Variants in MAP4K5 observed in about 807,000 individuals in gnomAD.
The protein encoded by MAP4K5 is mitogen-activated protein kinase kinase kinase kinase 5, also known as MAPK/ERK kinase kinase kinase 5.
A neutral mutation model predicts 135.6 loss-of-function variants in MAP4K5; 82 were observed. The observed-to-expected ratio is 0.60, with a 90% confidence interval of 0.51 to 0.73. The LOEUF (loss-of-function observed/expected upper bound fraction) is 0.73. Among genes scored for constraint, MAP4K5 ranks in the 30% least tolerant of loss-of-function variants. The pLI is 0.00. For synonymous variants in MAP4K5, 347 were observed against 335.0 expected (o/e 1.04, Z -0.39); for missense variants, 907 against 1,010.9 (o/e 0.90, Z 1.39).
At chr14:50,420,906 AT>A (rs1248932902) in intron 32 of MAP4K5, among the ~76,000 whole-genome samples, 1 of 152,030 alleles carries the variant, frequency 6.6e-6, no homozygotes, top group Non-Finnish European at 1.5e-5. Context: ...AAGAAGTACT[AT>A]TCCAAACATT....
intron 3 of MAP4K5, among the ~76,000 whole-genome samples, chr14:50,499,525 G>A (rs1479740377): frequency 6.6e-6 from 1 of 152,004 alleles, no homozygotes; most frequent in Non-Finnish European, 1.5e-5. Context: ...GGGTGTGGTG[G>A]CACATGCCTG....
chr14:50,555,323 C>T (rs1030252977), intron 1 of MAP4K5, among the ~76,000 whole-genome samples: 1 of 152,160 alleles, frequency 6.6e-6, no homozygotes, highest in African/African-American at 2.4e-5. Flanking sequence ...GCTCTGTCAC[C>T]CAGGCTGGAG....
chr14:50,514,848 AT>A (rs11307399), intron 2 of MAP4K5, among the ~76,000 whole-genome samples: 127,991 of 151,860 alleles, frequency 0.84, 55,420 homozygotes, highest in Non-Finnish European at 0.93. Context: ...TCAGGACAGA[AT>A]GTATCACCGC....
intron 1 of MAP4K5, among the ~76,000 whole-genome samples, chr14:50,547,055 T>G (rs963459746): frequency 2.6e-5 from 4 of 151,848 alleles, no homozygotes; most frequent in African/African-American, 9.7e-5. Context: ...AGAGAACACA[T>G]GGACACAGGG....
At chr14:50,437,593 G>T in intron 25 of MAP4K5, 59 bp from the exon 26 acceptor site, 1 of 1,157,274 alleles carries the variant, frequency 8.6e-7, no homozygotes, top group Non-Finnish European at 1.2e-6. Flanking sequence ...ACAATGATTT[G>T]TAAATCAGTT....
intron 1 of MAP4K5, chr14:50,559,073 C>G (rs1035505987): frequency 3.9e-5 from 6 of 152,214 alleles, no homozygotes; most frequent in Non-Finnish European, 7.3e-5. Flanking sequence ...ATAATGTCCT[C>G]TCTTCTAGAG....
Position 50,426,061 on chromosome 14 carries a change from T to C in MAP4K5, c.2327-84A>G, listed in dbSNP as rs993999397. 9.3e-6 allele frequency: 8 copies of C among 859,472 alleles called. No homozygotes were observed. In the African/African-American group the frequency reaches 1.2e-4, roughly 13 times the overall value. The allele number at this position is 859,472 out of a possible 1,614,324, so 53.2% of individuals were successfully genotyped here. ...TTTTCTCTACTTTTAATAAATAATA[T>C]AAGCCTATTCAAGTGTCTAGTGCAA... On this transcript the variant is annotated intron_variant, in intron 30 of 32. Coordinates refer to ENST00000682126, the MANE Select transcript of MAP4K5 (RefSeq NM_006575.6).
At chr14:50,477,055 A>G (rs2037117560) in intron 6 of MAP4K5, among the ~76,000 whole-genome samples, 1 of 152,188 alleles carries the variant, frequency 6.6e-6, no homozygotes, top group Middle Eastern at 3.2e-3. Context: ...GTTGCACTGA[A>G]TCTACAGAAC....
intron 11 of MAP4K5, 146 bp downstream of exon 11, chr14:50,466,437 A>G: frequency 2.5e-6 from 1 of 397,542 alleles, no homozygotes; most frequent in Non-Finnish European, 4.7e-6. Flanking sequence ...TCCTTGCCAT[A>G]GGTCTGCAAG....
chr14:50,557,722 G>A (rs2038781293), intron 1 of MAP4K5, among the ~76,000 whole-genome samples: 1 of 152,168 alleles, frequency 6.6e-6, no homozygotes, highest in Non-Finnish European at 1.5e-5. Context: ...TTAAAAAGAT[G>A]CATTCTAGCA....
chr14:50,517,020 A>G (rs547648544), intron 2 of MAP4K5, among the ~76,000 whole-genome samples: 20 of 152,280 alleles, frequency 1.3e-4, no homozygotes, highest in Admixed American at 3.9e-4. Context: ...CCTTCCCACC[A>G]GTCTAGTTAT....
intron 2 of MAP4K5, among the ~76,000 whole-genome samples, chr14:50,506,555 G>A (rs993276581): frequency 1.7e-4 from 26 of 152,008 alleles, no homozygotes; most frequent in African/African-American, 6.3e-4. Context: ...GACGGGTTTC[G>A]CCATGTTGCC....
intron 32 of MAP4K5, among the ~76,000 whole-genome samples, chr14:50,422,455 C>A (rs1206994094): frequency 6.6e-6 from 1 of 151,908 alleles, no homozygotes; most frequent in East Asian, 1.9e-4. Context: ...TGTCTCAGGA[C>A]TAATGCATAC....
Position 50,425,763 on chromosome 14 carries a change from T to TA in MAP4K5, c.2397+143dup, listed in dbSNP as rs2035831715. On this transcript the variant is annotated intron_variant, in intron 31 of 32. Transcript: ENST00000682126. Reference sequence around the variant, plus strand: ...GAAGTGAACATAGTTGAAGGGAAAATACTGGCTTTTTTGTTCTACCAGTTC... The same window carrying TA: ...GAAGTGAACATAGTTGAAGGGAAAATAACTGGCTTTTTTGTTCTACCAGTTC... The TA allele has an allele frequency of 1.4e-5, 7 of 492,576 alleles. No homozygotes were observed. The South Asian group carries it at 3.8e-4, about 27-fold the overall frequency. 30.5% of individuals were successfully genotyped at this position (492,576 alleles called of 1,614,324 possible).
intron 2 of MAP4K5, among the ~76,000 whole-genome samples, chr14:50,519,790 G>C (rs1566692067): frequency 6.6e-6 from 1 of 152,088 alleles, no homozygotes; most frequent in South Asian, 2.1e-4. Flanking sequence ...CATATAGGAA[G>C]GTGAGTCCTA....
Position 50,476,163 on chromosome 14 carries a change from T to C in MAP4K5, c.434A>G (p.Asn145Ser). 1 of 1,512,558 alleles carries C rather than the reference T, an allele frequency of 6.6e-7. No homozygotes were observed. Among genetic ancestry groups the C allele is most frequent in the Non-Finnish European group, 8.9e-7 (1 of 1,123,322 alleles). 93.7% of individuals were successfully genotyped at this position (1,512,558 alleles called of 1,614,324 possible). The change falls in exon 8 of 33, where the codon AAT becomes AGT. Residue 145 changes from asparagine (N) to serine (S), a missense_variant. By Grantham distance (46) the Asn-to-Ser change is conservative. Coordinates refer to ENST00000682126, the MANE Select transcript of MAP4K5 (RefSeq NM_006575.6). ...GKMHRDIKGA[N>S]ILLTDHGDVK... ...ATCGCCATGGTCTGTCAATAAAATA[T>C]TAGCACCCTAGAACAAAAATACAAA...
intron 1 of MAP4K5, among the ~76,000 whole-genome samples, chr14:50,552,743 A>G (rs1194414020): frequency 6.6e-6 from 1 of 152,178 alleles, no homozygotes; most frequent in Non-Finnish European, 1.5e-5. Flanking sequence ...CGACAAAACA[A>G]ACAAAAACAT....
chr14:50,510,322 C>T (rs906050351), intron 2 of MAP4K5, among the ~76,000 whole-genome samples: 4 of 152,262 alleles, frequency 2.6e-5, no homozygotes, highest in East Asian at 1.9e-4. Flanking sequence ...CATTCTGGTA[C>T]GTTCTCCTTT....
intron 2 of MAP4K5, among the ~76,000 whole-genome samples, chr14:50,538,916 C>T (rs531939465): frequency 6.6e-6 from 1 of 152,316 alleles, no homozygotes; most frequent in African/African-American, 2.4e-5. Flanking sequence ...AACTCCTGGC[C>T]TCAAGCAATC....
Sources: allele counts gnomAD v4.1 joint callset (sites outside exome capture counted in the v4.1 genomes callset), GRCh38; gene constraint gnomAD v4.1.1; transcripts MANE v1.5; gene names NCBI Gene and HGNC (gene_info 2026-07-23, HGNC 2026-07-21).